INPP5J: variants seen among roughly 807,000 people sequenced by gnomAD.
The protein encoded by INPP5J is inositol polyphosphate-5-phosphatase J.
INPP5J carries 75 observed loss-of-function variants against 86.6 expected under a neutral mutation model. The observed-to-expected ratio is 0.87, with a 90% CI of 0.72 to 1.05. The LOEUF (loss-of-function observed/expected upper bound fraction) is 1.05. Ranked by LOEUF, INPP5J falls within the 50% of genes least tolerant of loss-of-function variation. INPP5J has a pLI of 0.00. For missense variants in INPP5J, 1,229 were observed against 1,341.2 expected, an observed-to-expected ratio of 0.92 and a Z score of 1.31; for synonymous variants, 540 against 550.0, an observed-to-expected ratio of 0.98 and a Z score of 0.25.
chr22:31,128,379 G>A (rs1288726128), intron 8 of INPP5J, 56 bp downstream of exon 8: 3 of 1,566,508 alleles, frequency 1.9e-6, no homozygotes, highest in East Asian at 2.3e-5. Flanking sequence ...TTCTCGAACA[G>A]GGAGACTTTG....
At chr22:31,127,755 C>T (rs891019373) in intron 6 of INPP5J, 196 bp from the exon 7 acceptor site, 2 of 644,200 alleles carry the variant, frequency 3.1e-6, no homozygotes, top group Non-Finnish European at 5.4e-6. Context: ...AGGTCAGAAC[C>T]TAATTTCCTG....
rs983432645 is a variant in INPP5J, at chr22:31,124,192, G to C, written c.106-653G>C. ...AGAGGTACTTGCCTAAGGTCACACA[G>C]AGCTGGGCTTTGAATCTACACAGCC... On this transcript the variant is annotated intron_variant, in intron 1 of 12. Transcript: ENST00000331075. 4.3e-6 allele frequency: 4 copies of C among 921,984 alleles called. No homozygotes were observed. The African/African-American group carries it at 7.2e-5, about 17-fold the overall frequency. 57.1% of individuals were successfully genotyped at this position (921,984 alleles called of 1,614,324 possible).
intron 6 of INPP5J, 163 bp from the exon 7 acceptor site, chr22:31,127,788 C>T: frequency 1.5e-6 from 1 of 649,490 alleles, no homozygotes; most frequent in South Asian, 1.9e-5. Context: ...TCTGCTTTTC[C>T]TCTGCCCTTT....
In INPP5J at chr22:31,126,481, C is replaced by T. The variant is rs756852871; in HGVS notation, c.1377C>T (p.Ile459=). 15 of 1,613,284 alleles carry T rather than the reference C, an allele frequency of 9.3e-6. No individual in the cohort carries two copies. The Admixed American group carries it at 1.3e-4, about 14-fold the overall frequency. Residue 459 remains isoleucine (I), a synonymous_variant, in exon 3 of 13, where the codon ATC becomes ATT. Coordinates refer to ENST00000331075, the MANE Select transcript of INPP5J (RefSeq NM_001284285.2). ...GGDDSDGADM[I]AIGLQEVNSM... is the part of the protein sequence containing the mutation. The stretch of plus-strand genomic sequence containing the variant: ...ACGACAGCGACGGCGCAGACATGAT[C>T]GCCATAGGGTGAGGTGGCAGGGCAT...
chr22:31,128,742 C>T (rs1483237204), intron 9 of INPP5J, 88 bp downstream of exon 9: 2 of 1,134,616 alleles, frequency 1.8e-6, no homozygotes, highest in African/African-American at 3.1e-5. Context: ...TTGTATAACC[C>T]CTTGTACCTG....
chr22:31,123,265 G>A (rs1921036356), intron 1 of INPP5J, 146 bp downstream of exon 1: 1 of 534,296 alleles, frequency 1.9e-6, no homozygotes, highest in East Asian at 3.5e-5. Flanking sequence ...GGTGAAGAGA[G>A]CACCCTGGGG....
At chr22:31,126,866 C>A in intron 4 of INPP5J, 55 bp from the exon 5 acceptor site, 3 of 1,461,982 alleles carry the variant, frequency 2.1e-6, no homozygotes, top group Admixed American at 1.8e-5. Context: ...TGAAGGTGGG[C>A]GCGAGGGCGG....
Position 31,133,789 on chromosome 22 carries a change from C to A in INPP5J, c.2514+75C>A, listed in dbSNP as rs773849321. ...ATGCCACAGCCTCTACATTCTGCTC[C>A]TTGAGTTCAGACAAATAACCTGACC... On this transcript the variant is annotated intron_variant, in intron 12 of 12. Transcript: ENST00000331075. 5 of 1,572,780 alleles carry A rather than the reference C, an allele frequency of 3.2e-6. No homozygotes were observed. In the Admixed American group the frequency reaches 8.5e-5, roughly 27 times the overall value.
In INPP5J at chr22:31,125,663, G is replaced by C; in HGVS notation, c.924G>C (p.Val308=). 6.5e-7 allele frequency: 1 copy of C among 1,550,366 alleles called. No individual in the cohort carries two copies. The highest frequency in any genetic ancestry group is 2.4e-5 in the East Asian group (1 of 40,874). ...PRPPQTLPLD[V]GQGPSEPGTH... is the part of the protein sequence containing the mutation. ...CACCCCAGACCTTGCCCTTGGATGTGGGCCAGGGTCCTTCAGAGCCTGGCA... is the reference window on the plus strand; with the variant it reads ...CACCCCAGACCTTGCCCTTGGATGTCGGCCAGGGTCCTTCAGAGCCTGGCA... Residue 308 remains valine (V), a synonymous_variant, in exon 2 of 13, where the codon GTG becomes GTC. Transcript: ENST00000331075.
intron 1 of INPP5J, 45 bp downstream of exon 1, chr22:31,123,164 G>T: frequency 8.2e-7 from 1 of 1,217,730 alleles, no homozygotes; most frequent in Non-Finnish European, 1.1e-6. Context: ...CTGATCCCTG[G>T]TTCCACACAC....
chr22:31,134,508 C>T lies in INPP5J; in HGVS notation c.*89C>T, dbSNP rs1009879971. 1.7e-5 allele frequency: 22 copies of T among 1,313,832 alleles called. No individual in the cohort carries two copies. In the African/African-American group the frequency reaches 3.1e-4, roughly 19 times the overall value. 81.4% of individuals were successfully genotyped at this position (1,313,832 alleles called of 1,614,324 possible). ...TGCCTCTCTCCTGCTGCTCCTCCAG[C>T]TGTATCTGCACCTGCCTCTCTGTCC... On this transcript the variant is annotated 3_prime_UTR_variant, in exon 13 of 13. Coordinates refer to ENST00000331075, the MANE Select transcript of INPP5J (RefSeq NM_001284285.2).
chr22:31,132,072 A>T (rs997167272), intron 9 of INPP5J, among the ~76,000 whole-genome samples: 1 of 152,150 alleles, frequency 6.6e-6, no homozygotes, highest in African/African-American at 2.4e-5. Context: ...TGGGGAAAGG[A>T]TACTCGTGGT....
chr22:31,132,746 GAA>G (rs34906644), intron 9 of INPP5J, among the ~76,000 whole-genome samples: 159 of 135,370 alleles, frequency 1.2e-3, no homozygotes, highest in Admixed American at 2.5e-3. Context: ...CTCAGAAAAA[GAA>G]AAAAAAAAAA....
intron 5 of INPP5J, 135 bp downstream of exon 5, chr22:31,127,172 C>G: frequency 1.3e-6 from 1 of 779,724 alleles, no homozygotes; most frequent in East Asian, 2.7e-5. Context: ...CCATGCACCA[C>G]CCAATACCCC....
intron 1 of INPP5J, 72 bp downstream of exon 1, chr22:31,123,191 G>A (rs1921025535): frequency 1.1e-5 from 10 of 923,920 alleles, no homozygotes; most frequent in African/African-American, 3.6e-5. Context: ...CACATACACT[G>A]CAGGCTCCCT....
In INPP5J at chr22:31,128,552, A is replaced by G; in HGVS notation, c.2091A>G (p.Gly697=). Residue 697 remains glycine, a synonymous_variant, in exon 9 of 13, where the codon GGA becomes GGG. Transcript: ENST00000331075. ...CAGGTGGGGGTCCCAGCCCCTCAGG[A>G]CGGAAGAGCCACCGACTCCAGGTGA... ...KAPGGGPSPS[G]RKSHRLQVTQ... 1.2e-6 allele frequency: 2 copies of G among 1,613,404 alleles called. No homozygotes were observed. The highest frequency in any genetic ancestry group is 1.1e-5 in the South Asian group (1 of 91,082).
intron 9 of INPP5J, among the ~76,000 whole-genome samples, chr22:31,130,469 G>A (rs140945643): frequency 6.3e-4 from 95 of 151,224 alleles, no homozygotes; most frequent in African/African-American, 2.1e-3. Context: ...AGCTGTGATC[G>A]TACCACTGCA....
Position 31,125,757 on chromosome 22 carries a change from C to T in INPP5J, c.1018C>T (p.Pro340Ser), listed in dbSNP as rs745782390. The stretch of plus-strand genomic sequence containing the variant: ...CCCCTCAGGCCAGACTGTGCCCCCA[C>T]CTCTGCCCAAGCCACCCCGATCACC... ...GAPSGQTVPP[P>S]LPKPPRSPSR... The change falls in exon 2 of 13, where the codon CCT (proline) becomes TCT (serine). Residue 340 changes from proline (P) to serine (S), a missense_variant. By Grantham distance (74) the Pro-to-Ser change is moderately conservative. Coordinates refer to ENST00000331075, the MANE Select transcript of INPP5J (RefSeq NM_001284285.2). 10 of 1,551,460 alleles carry T rather than the reference C, an allele frequency of 6.4e-6. No individual in the cohort carries two copies. Among genetic ancestry groups the T allele is most frequent in the Non-Finnish European group, 8.7e-6 (10 of 1,146,846 alleles).
intron 9 of INPP5J, among the ~76,000 whole-genome samples, chr22:31,131,615 A>G (rs1485257677): frequency 6.6e-6 from 1 of 151,578 alleles, no homozygotes; most frequent in East Asian, 1.9e-4. Context: ...AGGCCTGTGT[A>G]GTGCACTTTA....
Sources: gnomAD v4.1 joint callset for allele counts (sites outside exome capture counted in the v4.1 genomes callset) on GRCh38, gnomAD v4.1.1 for gene constraint, MANE v1.5 for transcripts, NCBI Gene and HGNC (gene_info 2026-07-23, HGNC 2026-07-21) for gene names.